Variants in KCNK2 observed in about 807,000 individuals in gnomAD.
The protein encoded by KCNK2 is potassium two pore domain channel subfamily K member 2, also known as potassium channel subfamily K member 2.
KCNK2 carries 21 observed loss-of-function variants against 40.5 expected under a neutral mutation model. The observed-to-expected ratio is 0.52, with a 90% CI of 0.37 to 0.75. KCNK2 has a LOEUF of 0.75. Among genes scored for constraint, KCNK2 ranks in the 30% least tolerant of loss-of-function variants. KCNK2 has a pLI of 0.00. For synonymous variants in KCNK2, 191 were observed against 202.2 expected, an observed-to-expected ratio of 0.94 and a Z score of 0.47; for missense variants, 399 against 531.6, an observed-to-expected ratio of 0.75 and a Z score of 2.45.
intron 1 of KCNK2, among the ~76,000 whole-genome samples, chr1:215,042,417 G>A (rs1657602038): frequency 6.6e-6 from 1 of 152,174 alleles, no homozygotes; most frequent in South Asian, 2.1e-4. Flanking sequence ...TAAGGTTCAT[G>A]GAGGAAGTAG....
intron 1 of KCNK2, among the ~76,000 whole-genome samples, chr1:215,052,196 C>G (rs116715459): frequency 6.6e-6 from 1 of 151,542 alleles, no homozygotes; most frequent in Non-Finnish European, 1.5e-5. Flanking sequence ...AGGGTGAAAC[C>G]GGTGAAACTA....
intron 2 of KCNK2, among the ~76,000 whole-genome samples, chr1:215,114,794 G>A (rs756906914): frequency 3.9e-5 from 6 of 152,082 alleles, no homozygotes; most frequent in Non-Finnish European, 5.9e-5. Context: ...TAAAAGCACA[G>A]AAATTTCTTG....
chr1:215,229,232 ATGAT>A (rs1666521179), intron 6 of KCNK2, among the ~76,000 whole-genome samples: 1 of 148,152 alleles, frequency 6.7e-6, no homozygotes, highest in African/African-American at 2.5e-5. Context: ...TTGAATGTGA[ATGAT>A]TAATTCTTTC....
chr1:215,179,120 T>C (rs1664115795), intron 5 of KCNK2, among the ~76,000 whole-genome samples: 1 of 152,032 alleles, frequency 6.6e-6, no homozygotes, highest in African/African-American at 2.4e-5. Flanking sequence ...ATTTCCTCTA[T>C]ATTTTTTAAT....
intron 2 of KCNK2, among the ~76,000 whole-genome samples, chr1:215,092,536 G>A (rs1659733072): frequency 6.6e-6 from 1 of 152,170 alleles, no homozygotes; most frequent in African/African-American, 2.4e-5. Context: ...CTGCATGACA[G>A]CAAGGGGTCT....
At chr1:215,168,601 G>A (rs753302572) in intron 3 of KCNK2, among the ~76,000 whole-genome samples, 5 of 152,148 alleles carry the variant, frequency 3.3e-5, no homozygotes, top group Admixed American at 1.3e-4. Flanking sequence ...ACTAACACAG[G>A]AACAGAAAAC....
At chr1:215,230,152 G>A (rs1666574244) in intron 6 of KCNK2, among the ~76,000 whole-genome samples, 4 of 143,194 alleles carry the variant, frequency 2.8e-5, no homozygotes. Context: ...GCTTAAAGAT[G>A]GAGCTATGTT....
intron 5 of KCNK2, among the ~76,000 whole-genome samples, chr1:215,177,186 C>T (rs1268245590): frequency 6.6e-6 from 1 of 151,602 alleles, no homozygotes; most frequent in Non-Finnish European, 1.5e-5. Flanking sequence ...TAGTGCTTTG[C>T]CCACTTTTTA....
At chr1:215,089,339 C>G (rs1003571513) in intron 2 of KCNK2, among the ~76,000 whole-genome samples, 3 of 152,112 alleles carry the variant, frequency 2.0e-5, no homozygotes, top group Non-Finnish European at 4.4e-5. Context: ...AGGGGGGAAA[C>G]AGTTGGAGTA....
At chr1:215,206,304 T>C (rs1320190373) in intron 6 of KCNK2, among the ~76,000 whole-genome samples, 1 of 152,186 alleles carries the variant, frequency 6.6e-6, no homozygotes, top group Non-Finnish European at 1.5e-5. Context: ...AGAATACTCT[T>C]ATATAATATT....
chr1:215,122,069 C>G (rs989409922), intron 2 of KCNK2, among the ~76,000 whole-genome samples: 3 of 151,800 alleles, frequency 2.0e-5, no homozygotes, highest in African/African-American at 7.3e-5. Context: ...ACAGCAATAA[C>G]CAATTATAAT....
chr1:215,230,338 C>A (rs1363073805), intron 6 of KCNK2, among the ~76,000 whole-genome samples: 1 of 149,894 alleles, frequency 6.7e-6, no homozygotes, highest in Admixed American at 6.7e-5. Flanking sequence ...GCACTTGTAA[C>A]ACGATGGTGA....
intron 3 of KCNK2, among the ~76,000 whole-genome samples, chr1:215,160,515 G>A (rs72735367): frequency 0.054 from 8,286 of 152,254 alleles, 296 homozygotes; most frequent in Middle Eastern, 0.11. Flanking sequence ...CCATGGAAAT[G>A]ACCACTTCTG....
rs79769470 is a variant in KCNK2 at position 215,143,080 on chromosome 1, G to A, written c.475+18330G>A. Among the ~76,000 whole-genome samples the A allele has an allele frequency of 1.8e-3, 267 of 152,256 alleles. 3 individuals are homozygous for A. The highest frequency in any genetic ancestry group is 4.5e-3 in the African/African-American group (187 of 41,556). ...GTGTAGGAAACTAAGGTGCGAAGAC[G>A]AAGTGTGATGTGGAATAGTGGCTTT... On this transcript the variant is annotated intron_variant, in intron 3 of 6. Coordinates refer to ENST00000444842, the MANE Select transcript of KCNK2 (RefSeq NM_001017425.3).
chr1:215,091,071 G>A (rs1283632470), intron 2 of KCNK2, among the ~76,000 whole-genome samples: 7 of 152,270 alleles, frequency 4.6e-5, no homozygotes, highest in Middle Eastern at 6.8e-3. Context: ...TAGCATTACC[G>A]TAGAAATACT....
At chr1:215,016,453 C>T (rs1048973308) in intron 1 of KCNK2, among the ~76,000 whole-genome samples, 12 of 151,984 alleles carry the variant, frequency 7.9e-5, no homozygotes, top group African/African-American at 2.9e-4. Flanking sequence ...ATAAATCTAC[C>T]AATTTATGGC....
At chr1:215,140,875 A>T (rs1309173353) in intron 3 of KCNK2, among the ~76,000 whole-genome samples, 1 of 152,176 alleles carries the variant, frequency 6.6e-6, no homozygotes, top group East Asian at 1.9e-4. Context: ...TAAACTTTTT[A>T]ATGTTTTTGA....
Position 215,083,203 on chromosome 1 carries a change from C to CCCCCCCCCCCCCCCCCA in KCNK2, c.-183_-182insCCCCCCCCCCCCCCCCA. The CCCCCCCCCCCCCCCCCA allele has an allele frequency of 1.2e-6, 1 of 804,904 alleles. No individual in the cohort carries two copies. Among genetic ancestry groups the CCCCCCCCCCCCCCCCCA allele is most frequent in the Non-Finnish European group, 1.9e-6 (1 of 524,292 alleles). The allele number at this position is 804,904 out of a possible 1,614,324, so 49.9% of individuals were successfully genotyped here. On this transcript the variant is annotated 5_prime_UTR_variant, in exon 1 of 7. Transcript: ENST00000444842. ...TCGTTTCTTCTCACGCTCCCCCCCC[C>CCCCCCCCCCCCCCCCCA]GCCCCCTCCCGCGTCCAGCCCCGCT...
intron 6 of KCNK2, among the ~76,000 whole-genome samples, chr1:215,222,948 A>G (rs1666240642): frequency 6.6e-6 from 1 of 152,138 alleles, no homozygotes; most frequent in South Asian, 2.1e-4. Flanking sequence ...TTTTTAACTC[A>G]GCTACTTTTA....
Sources: allele counts gnomAD v4.1 joint callset (sites outside exome capture counted in the v4.1 genomes callset), GRCh38; gene constraint gnomAD v4.1.1; transcripts MANE v1.5; gene names NCBI Gene and HGNC (gene_info 2026-07-23, HGNC 2026-07-21).